The following ABLIM1 variants were observed in gnomAD, a reference collection of about 807,000 sequenced individuals.
The protein encoded by ABLIM1 is actin binding LIM protein 1.
A neutral mutation model predicts 107.0 loss-of-function variants in ABLIM1; 40 were observed. That is an observed-to-expected ratio of 0.37 (90% CI 0.29 to 0.49). The LOEUF (loss-of-function observed/expected upper bound fraction) is 0.49. Ranked by LOEUF, ABLIM1 falls within the 20% of genes least tolerant of loss-of-function variation. The pLI is 0.97. For synonymous variants in ABLIM1, 357 were observed against 357.3 expected (o/e 1.00, Z 0.01); for missense variants, 857 against 1,008.5 (o/e 0.85, Z 2.04).
At chr10:114,660,791 T>C (rs1454404612), upstream of ABLIM1, among the ~76,000 whole-genome samples, 1 of 152,226 alleles carries the variant, frequency 6.6e-6, no homozygotes, top group Admixed American at 6.5e-5. Flanking sequence ...TACAGCCACT[T>C]TGAAGGCAGG....
At chr10:114,680,584 C>A (rs985559977) in intron 1 of ABLIM1, among the ~76,000 whole-genome samples, 2 of 152,116 alleles carry the variant, frequency 1.3e-5, no homozygotes, top group South Asian at 2.1e-4. Flanking sequence ...CAAGAGGCAC[C>A]CTTCCTTCAT....
upstream of ABLIM1, among the ~76,000 whole-genome samples, chr10:114,771,559 C>G (rs532875776): frequency 6.6e-6 from 1 of 152,320 alleles, no homozygotes; most frequent in Admixed American, 6.5e-5. Context: ...CACATCATCT[C>G]AGAATCTCTT....
intron 12 of ABLIM1, among the ~76,000 whole-genome samples, chr10:114,461,412 A>G (rs2063877415): frequency 6.7e-6 from 1 of 149,824 alleles, no homozygotes; most frequent in Non-Finnish European, 1.5e-5. Context: ...TTTTTTTAAG[A>G]AAAAAAAACA....
chr10:114,684,673 C>T (rs977031818), exon 1 of ABLIM1: 1 of 1,115,620 alleles, frequency 9.0e-7, no homozygotes, highest in Non-Finnish European at 1.1e-6. Context: ...CCACTGAAAA[C>T]ACTCGTTTCT....
rs569285826 is a variant in ABLIM1, at chr10:114,742,755, CCT to C, written c.-213+25304_-213+25305del. Among the ~76,000 whole-genome samples the C allele has an allele frequency of 1.6e-3, 247 of 152,128 alleles. 1 individual carries two copies. The highest frequency in any genetic ancestry group is 2.6e-3 in the Non-Finnish European group (175 of 68,002). On this transcript the variant is annotated intron_variant, in intron 1 of 15. Transcript: ENST00000651092. ...ACCAGCCTGGCAAACCTCGAGAAAC[CCT>C]GTCTCTACCAAAAATACAAAAATTA...
chr10:114,775,518 T>C, the ABLIM1 span, among the ~76,000 whole-genome samples: 3 of 152,188 alleles, frequency 2.0e-5, no homozygotes, highest in South Asian at 2.1e-4. Context: ...CTGAATACCA[T>C]AGATAGACCA....
chr10:114,547,752 A>G lies in ABLIM1; in HGVS notation c.698T>C (p.Ile233Thr), dbSNP rs766670080. 1.2e-6 allele frequency: 2 copies of G among 1,611,264 alleles called. No individual in the cohort carries two copies. The highest frequency in any genetic ancestry group is 1.7e-6 in the Non-Finnish European group (2 of 1,180,004). The change falls in exon 5 of 23, where the codon ATC (isoleucine) becomes ACC (threonine). Residue 233 changes from isoleucine to threonine, a missense_variant. Physicochemically the swap from Ile to Thr is moderately conservative, Grantham distance 89. Transcript: ENST00000533213. ...CGCCAGCAGCGCCTGCCCATTCTTGATATCTCTTCCGCAGCCGGCACAATC... is the reference window on the plus strand; with the variant it reads ...CGCCAGCAGCGCCTGCCCATTCTTGGTATCTCTTCCGCAGCCGGCACAATC... ...SSNCAGCGRD[I>T]KNGQALLALD...
At chr10:114,579,525 T>C (rs1035321296) in intron 2 of ABLIM1, among the ~76,000 whole-genome samples, 4 of 152,250 alleles carry the variant, frequency 2.6e-5, no homozygotes, top group African/African-American at 9.6e-5. Flanking sequence ...TAAAGAATTA[T>C]TAATTTTTTC....
intron 1 of ABLIM1, among the ~76,000 whole-genome samples, chr10:114,656,469 C>A (rs1366428140): frequency 6.6e-6 from 1 of 151,956 alleles, no homozygotes; most frequent in Non-Finnish European, 1.5e-5. Flanking sequence ...CCCAAGAGCC[C>A]TGAACATATC....
chr10:114,547,436 T>A (rs1259486222), intron 5 of ABLIM1: 1 of 583,434 alleles, frequency 1.7e-6, no homozygotes, highest in Non-Finnish European at 2.9e-6. Context: ...ATTGTTAAAT[T>A]AGGCAATGAT....
chr10:114,735,533 G>A (rs559385350), intron 1 of ABLIM1, among the ~76,000 whole-genome samples: 9 of 152,248 alleles, frequency 5.9e-5, no homozygotes, highest in African/African-American at 1.7e-4. Context: ...GCAGTGGCGC[G>A]ATCTCGGCTC....
chr10:114,585,738 G>T (rs1472359142), intron 2 of ABLIM1, among the ~76,000 whole-genome samples: 1 of 152,058 alleles, frequency 6.6e-6, no homozygotes, highest in Non-Finnish European at 1.5e-5. Context: ...ACTTCACCCA[G>T]GCTCCCGGCC....
intron 1 of ABLIM1, among the ~76,000 whole-genome samples, chr10:114,704,271 G>GCTCTCTCTCTCTCTCTCTCTCT (rs1215619815): frequency 2.4e-4 from 10 of 40,970 alleles, no homozygotes; most frequent in South Asian, 1.6e-3. Flanking sequence ...TCTCTCTCTC[G>GCTCTCTCTCTCTCTCTCTCTCT]CTCTCTCTCT....
rs147867771 is a variant in ABLIM1 at position 114,718,798 on chromosome 10, C to A, written c.-213+49263G>T. ...CTCAATATTAATTTAATATAAATTC[C>A]ACAACAACAACAAAAAGCAAGGTGC... is the stretch of plus-strand genomic sequence containing the variant. On this transcript the variant is annotated intron_variant, in intron 1 of 15. Coordinates refer to the ABLIM1 transcript ENST00000651092. Among the ~76,000 whole-genome samples the A allele has an allele frequency of 5.9e-3, 897 of 152,194 alleles. 9 individuals are homozygous for A. The highest frequency in any genetic ancestry group is 0.02 in the African/African-American group (827 of 41,512).
chr10:114,743,071 C>A (rs924013693), intron 1 of ABLIM1, among the ~76,000 whole-genome samples: 16 of 152,112 alleles, frequency 1.1e-4, no homozygotes, highest in African/African-American at 3.4e-4. Context: ...ACTACTACTA[C>A]TAATAAGTAG....
intron 1 of ABLIM1, among the ~76,000 whole-genome samples, chr10:114,654,785 T>C (rs2079420440): frequency 6.6e-6 from 1 of 152,210 alleles, no homozygotes; most frequent in South Asian, 2.1e-4. Context: ...CACAGATCTC[T>C]CTAGTGATCC....
At chr10:114,636,613 T>TA (rs2078492664) in intron 1 of ABLIM1, among the ~76,000 whole-genome samples, 1 of 152,212 alleles carries the variant, frequency 6.6e-6, no homozygotes, top group Non-Finnish European at 1.5e-5. Context: ...ACACACACAG[T>TA]ATTTTAAGAA....
intron 4 of ABLIM1, among the ~76,000 whole-genome samples, chr10:114,558,061 AT>A (rs754136354): frequency 2.9e-4 from 44 of 152,156 alleles, no homozygotes; most frequent in Non-Finnish European, 5.0e-4. Context: ...GAAGCACCCT[AT>A]TAAAGCCTTC....
At chr10:114,514,349 T>G (rs1454907694) in intron 6 of ABLIM1, among the ~76,000 whole-genome samples, 1 of 152,116 alleles carries the variant, frequency 6.6e-6, no homozygotes, top group African/African-American at 2.4e-5. Context: ...TATCAGCTGT[T>G]TTTGTAATTT....
Sources: allele counts gnomAD v4.1 joint callset (sites outside exome capture counted in the v4.1 genomes callset), GRCh38; gene constraint gnomAD v4.1.1; transcripts MANE v1.5; gene names NCBI Gene and HGNC (gene_info 2026-07-23, HGNC 2026-07-21).